Variants in ZNF722 observed in about 807,000 individuals in gnomAD.
ZNF722 encodes zinc finger protein 722.
At chr7:64,013,922 A>G in the ZNF722 span, among the ~76,000 whole-genome samples, 1 of 151,708 alleles carries the variant, frequency 6.6e-6, no homozygotes, top group South Asian at 2.1e-4. Flanking sequence ...CTCACAATGA[A>G]GATTCTTTTT....
At chr7:64,000,124 T>G in the ZNF722 span, among the ~76,000 whole-genome samples, 90 of 93,066 alleles carry the variant, frequency 9.7e-4, no homozygotes, top group African/African-American at 3.0e-3. Flanking sequence ...CCTTACTTTT[T>G]TTTTTTTTTG....
At chr7:64,006,265 CA>C in the ZNF722 span, 1 of 1,306,176 alleles carries the variant, frequency 7.7e-7, no homozygotes, top group Non-Finnish European at 1.1e-6. Context: ...CTGTCTGGAG[CA>C]AAATAAAGAG....
chr7:64,004,108 A>C, the ZNF722 span, among the ~76,000 whole-genome samples: 10 of 151,976 alleles, frequency 6.6e-5, no homozygotes, highest in African/African-American at 2.4e-4. Flanking sequence ...GTTTCTTTAT[A>C]ATTAAATTTA....
chr7:64,008,484 C>G, the ZNF722 span, among the ~76,000 whole-genome samples: 3 of 152,160 alleles, frequency 2.0e-5, no homozygotes, highest in Non-Finnish European at 4.4e-5. Context: ...TTCCCAGCAC[C>G]ATTTATTGAA....
At chr7:64,013,673 G>A in the ZNF722 span, among the ~76,000 whole-genome samples, 18 of 151,312 alleles carry the variant, frequency 1.2e-4, no homozygotes, top group Non-Finnish European at 2.2e-4. Flanking sequence ...AAATGTTTTC[G>A]GCACCATCAC....
At chr7:64,005,553 A>G in the ZNF722 span, 12 of 751,228 alleles carry the variant, frequency 1.6e-5, no homozygotes, top group South Asian at 8.1e-5. Context: ...ATCTCTGCCT[A>G]TGGCCACATG....
chr7:63,999,026 GA>G, the ZNF722 span: 1 of 1,572,624 alleles, frequency 6.4e-7, no homozygotes, highest in Admixed American at 1.7e-5. Context: ...GTCATCGTGA[GA>G]GGGGCGGGAG....
the ZNF722 span, among the ~76,000 whole-genome samples, chr7:64,017,951 T>C: frequency 6.6e-6 from 1 of 152,224 alleles, no homozygotes; most frequent in Non-Finnish European, 1.5e-5. Context: ...TCCCATTGTT[T>C]GTGAAAGTAT....
At chr7:64,006,815 A>T in the ZNF722 span, among the ~76,000 whole-genome samples, 8 of 127,644 alleles carry the variant, frequency 6.3e-5, no homozygotes, top group Middle Eastern at 7.6e-3. Context: ...TTTCATTTTT[A>T]AATTTTTATA....
At chr7:64,013,711 A>G in the ZNF722 span, among the ~76,000 whole-genome samples, 1 of 152,066 alleles carries the variant, frequency 6.6e-6, no homozygotes, top group Non-Finnish European at 1.5e-5. Flanking sequence ...TTATTTTTTT[A>G]TATATGCATG....
chr7:64,005,700 A>T, the ZNF722 span: 6 of 1,568,948 alleles, frequency 3.8e-6, no homozygotes, highest in Non-Finnish European at 4.4e-6. Flanking sequence ...TTATATAGAG[A>T]TGTGATGTTA....
the ZNF722 span, chr7:64,015,023 TTCAGTTACGTGTTC>T: frequency 7.7e-7 from 1 of 1,297,416 alleles, no homozygotes; most frequent in South Asian, 1.3e-5. Flanking sequence ...TTTTATGTCT[TTCAGTTACGTGTTC>T]TCATTTCACC....
the ZNF722 span, among the ~76,000 whole-genome samples, chr7:64,003,155 G>A: frequency 6.6e-6 from 1 of 152,178 alleles, no homozygotes; most frequent in Non-Finnish European, 1.5e-5. Context: ...TGCCTGCCCT[G>A]TTTCAGTTTG....
At chr7:64,006,347 C>T in the ZNF722 span, 1 of 1,239,432 alleles carries the variant, frequency 8.1e-7, no homozygotes, top group Non-Finnish European at 1.1e-6. Context: ...AAGCAGATGA[C>T]ACAGATGAGA....
At chr7:64,005,739 G>A in the ZNF722 span, 7 of 1,559,112 alleles carry the variant, frequency 4.5e-6, no homozygotes, top group South Asian at 8.2e-5. Context: ...GTCTCCCTGG[G>A]TGAGGAAAAC....
At chr7:64,016,366 A>C in the ZNF722 span, among the ~76,000 whole-genome samples, 1 of 151,898 alleles carries the variant, frequency 6.6e-6, no homozygotes, top group African/African-American at 2.4e-5. Flanking sequence ...TCGAACTCCT[A>C]ACCTCAGGTG....
At chr7:64,013,825 C>T in the ZNF722 span, among the ~76,000 whole-genome samples, 1 of 152,036 alleles carries the variant, frequency 6.6e-6, no homozygotes, top group African/African-American at 2.4e-5. Context: ...ACATGCAGTG[C>T]TTATATGCTT....
chr7:64,011,139 A>T, the ZNF722 span, among the ~76,000 whole-genome samples: 7 of 151,512 alleles, frequency 4.6e-5, no homozygotes, highest in Non-Finnish European at 1.0e-4. Flanking sequence ...GAACCTATGG[A>T]TGTCTCTGCA....
the ZNF722 span, among the ~76,000 whole-genome samples, chr7:64,010,016 T>C: frequency 6.6e-6 from 1 of 152,334 alleles, no homozygotes; most frequent in South Asian, 2.1e-4. Flanking sequence ...CTAGATTTTC[T>C]AGTTTATTTG....
Sources: allele counts gnomAD v4.1 joint callset (sites outside exome capture counted in the v4.1 genomes callset), GRCh38; gene constraint gnomAD v4.1.1; transcripts MANE v1.5; gene names NCBI Gene and HGNC (gene_info 2026-07-23, HGNC 2026-07-21).